The following WWOX variants were observed in gnomAD, a reference collection of about 807,000 sequenced individuals.
The protein encoded by WWOX is WW domain-containing oxidoreductase.
A neutral mutation model predicts 46.2 loss-of-function variants in WWOX; 69 were observed. The ratio of observed to expected loss-of-function variants is 1.49; its 90% CI spans 1.23 to 1.82. The LOEUF (loss-of-function observed/expected upper bound fraction) is 1.82. Among genes scored for constraint, WWOX ranks in the 40% most tolerant of loss-of-function variants. WWOX has a pLI of 0.00. For synonymous variants in WWOX, 359 were observed against 202.6 expected, an observed-to-expected ratio of 1.77 and a Z score of -6.56; for missense variants, 919 against 542.6, an observed-to-expected ratio of 1.69 and a Z score of -6.89.
chr16:78,674,526 C>G (rs139260046), intron 8 of WWOX, among the ~76,000 whole-genome samples: 2,603 of 152,170 alleles, frequency 0.017, 74 homozygotes, highest in African/African-American at 0.06. Flanking sequence ...GTCAGGTGAT[C>G]CACCCTCCTC....
At chr16:78,256,948 G>C (rs142914163) in intron 5 of WWOX, among the ~76,000 whole-genome samples, 1 of 152,210 alleles carries the variant, frequency 6.6e-6, no homozygotes, top group Non-Finnish European at 1.5e-5. Context: ...GAGTCAAAGA[G>C]TCAGACAGGT....
At chr16:78,713,300 A>T (rs1398665077) in intron 8 of WWOX, among the ~76,000 whole-genome samples, 1 of 149,836 alleles carries the variant, frequency 6.7e-6, no homozygotes, top group African/African-American at 2.5e-5. Context: ...AAAAAAAAAA[A>T]AGCTAGTAGC....
intron 8 of WWOX, among the ~76,000 whole-genome samples, chr16:79,115,675 G>A (rs1023718427): frequency 1.3e-5 from 2 of 152,182 alleles, no homozygotes; most frequent in African/African-American, 4.8e-5. Context: ...GCTGCAGGGG[G>A]CCTCTCCCAG....
intron 8 of WWOX, among the ~76,000 whole-genome samples, chr16:79,124,031 C>G (rs1271620876): frequency 6.6e-6 from 1 of 152,150 alleles, no homozygotes; most frequent in Non-Finnish European, 1.5e-5. Context: ...CCCTGATTGT[C>G]TTATTAAATA....
intron 8 of WWOX, among the ~76,000 whole-genome samples, chr16:79,057,526 G>A (rs9928080): frequency 0.6 from 90,973 of 151,768 alleles, 27,974 homozygotes; most frequent in African/African-American, 0.72. Flanking sequence ...GAGCTGAGCC[G>A]CACTTGGAGA....
At chr16:78,324,757 G>T (rs931512488) in intron 5 of WWOX, among the ~76,000 whole-genome samples, 5 of 133,382 alleles carry the variant, frequency 3.7e-5, no homozygotes, top group African/African-American at 1.4e-4. Context: ...ATAGAAAATA[G>T]ATGAGTGATG....
At chr16:78,785,518 ATTAT>A (rs2050434476) in intron 8 of WWOX, among the ~76,000 whole-genome samples, 1 of 152,222 alleles carries the variant, frequency 6.6e-6, no homozygotes, top group African/African-American at 2.4e-5. Context: ...CTTATTATTT[ATTAT>A]TTCTCTGAAA....
intron 5 of WWOX, among the ~76,000 whole-genome samples, chr16:78,306,689 A>G (rs938432071): frequency 6.6e-6 from 1 of 151,234 alleles, no homozygotes; most frequent in South Asian, 2.1e-4. Context: ...GATGAGCCCT[A>G]TGCCTTCCCA....
At chr16:78,304,948 C>T in intron 5 of WWOX, among the ~76,000 whole-genome samples, 1 of 151,518 alleles carries the variant, frequency 6.6e-6, no homozygotes, top group East Asian at 1.9e-4. Flanking sequence ...CCTTCTTCCT[C>T]TTTTTTTTTC....
chr16:78,871,986 C>T (rs970257414), intron 8 of WWOX, among the ~76,000 whole-genome samples: 2 of 152,200 alleles, frequency 1.3e-5, no homozygotes, highest in Non-Finnish European at 2.9e-5. Context: ...TGCAGACCCT[C>T]TCAGATGCCA....
intron 8 of WWOX, among the ~76,000 whole-genome samples, chr16:78,527,893 C>G (rs3916129): frequency 0.95 from 143,995 of 151,342 alleles, 68,868 homozygotes; most frequent in East Asian, 1. Flanking sequence ...GTGCAAAGGA[C>G]CATGCCCACC....
intron 8 of WWOX, among the ~76,000 whole-genome samples, chr16:79,192,684 C>A (rs2051160475): frequency 6.6e-6 from 1 of 152,138 alleles, no homozygotes; most frequent in Non-Finnish European, 1.5e-5. Context: ...ATTTCTTTTG[C>A]CTCTCACTTT....
At chr16:79,174,896 G>T (rs984854991) in intron 8 of WWOX, among the ~76,000 whole-genome samples, 2 of 152,056 alleles carry the variant, frequency 1.3e-5, no homozygotes, top group Non-Finnish European at 2.9e-5. Context: ...TGCATAAATG[G>T]TTGTCATTTT....
chr16:79,135,522 A>G (rs1308995915), intron 8 of WWOX, among the ~76,000 whole-genome samples: 2 of 152,232 alleles, frequency 1.3e-5, no homozygotes, highest in South Asian at 2.1e-4. Context: ...ATCTTTGCAT[A>G]TTATAAGTTG....
intron 8 of WWOX, among the ~76,000 whole-genome samples, chr16:78,858,386 A>G (rs1407015463): frequency 6.6e-6 from 1 of 151,880 alleles, no homozygotes; most frequent in Non-Finnish European, 1.5e-5. Context: ...ATATGTATGT[A>G]TCTGTATATG....
chr16:78,978,756 C>T (rs761912627), intron 8 of WWOX, among the ~76,000 whole-genome samples: 3 of 152,216 alleles, frequency 2.0e-5, no homozygotes, highest in Admixed American at 6.5e-5. Context: ...CATGAGAACT[C>T]TCTCACTGGG....
chr16:78,166,496 C>T (rs2034976920), intron 5 of WWOX, among the ~76,000 whole-genome samples: 1 of 152,128 alleles, frequency 6.6e-6, no homozygotes, highest in Non-Finnish European at 1.5e-5. Flanking sequence ...ATTCAAAGGG[C>T]ATATGCATTT....
chr16:78,292,951 C>T (rs1355463302), intron 5 of WWOX, among the ~76,000 whole-genome samples: 1 of 152,194 alleles, frequency 6.6e-6, no homozygotes, highest in Non-Finnish European at 1.5e-5. Context: ...CTCATGGAGA[C>T]ACCTCCCCTC....
intron 8 of WWOX, among the ~76,000 whole-genome samples, chr16:78,757,438 C>A (rs954141541): frequency 6.6e-6 from 1 of 152,128 alleles, no homozygotes; most frequent in Non-Finnish European, 1.5e-5. Context: ...CTTGCCTCAT[C>A]AGTTAGTGGT....
Sources: gnomAD v4.1 joint callset for allele counts (sites outside exome capture counted in the v4.1 genomes callset) on GRCh38, gnomAD v4.1.1 for gene constraint, MANE v1.5 for transcripts, NCBI Gene and HGNC (gene_info 2026-07-23, HGNC 2026-07-21) for gene names.